The following EPAS1 variants were observed in gnomAD, a reference collection of about 807,000 sequenced individuals.
EPAS1 encodes endothelial PAS domain-containing protein 1.
A neutral mutation model predicts 87.9 loss-of-function variants in EPAS1; 23 were observed. That is an observed-to-expected ratio of 0.26 (90% confidence interval 0.19 to 0.37). The LOEUF (loss-of-function observed/expected upper bound fraction) is 0.37, where lower values mean the gene tolerates loss of function less well. EPAS1 is among the 10% of genes least tolerant of loss of function. EPAS1 has a pLI of 1.00. For missense variants in EPAS1, 1,138 were observed against 1,120.7 expected (o/e 1.02, Z -0.22); for synonymous variants, 508 against 444.3 (o/e 1.14, Z -1.80).
intron 2 of EPAS1, among the ~76,000 whole-genome samples, chr2:46,350,565 G>C (rs1684127423): frequency 6.6e-6 from 1 of 152,160 alleles, no homozygotes; most frequent in South Asian, 2.1e-4. Flanking sequence ...GCTGGGCTGA[G>C]GACAGAACAC....
chr2:46,377,745 C>G, intron 9 of EPAS1, 149 bp from the exon 10 acceptor site: 1 of 1,296,012 alleles, frequency 7.7e-7, no homozygotes, highest in South Asian at 1.3e-5. Flanking sequence ...CCATGTGTTC[C>G]AGCTGAGCCC....
intron 1 of EPAS1, among the ~76,000 whole-genome samples, chr2:46,335,407 G>A (rs997712521): frequency 1.0e-4 from 9 of 89,948 alleles, no homozygotes; most frequent in South Asian, 3.4e-4. Context: ...CCCCCCACCC[G>A]CCTTTTTCCA....
chr2:46,346,913 G>T lies in EPAS1; in HGVS notation c.67G>T (p.Ala23Ser), dbSNP rs768863978. 1 of 1,614,240 alleles carries T rather than the reference G, an allele frequency of 6.2e-7. No individual in the cohort carries two copies. The highest frequency in any genetic ancestry group is 8.5e-7 in the Non-Finnish European group (1 of 1,180,040). The part of the protein sequence containing the change: ...ERRKEKSRDA[A>S]RCRRSKETEV... ...GAGGAAGGAGAAGTCCCGGGATGCT[G>T]CGCGGTGCCGGCGGAGCAAGGAGAC... The change falls in exon 2 of 16, where the codon GCG (alanine) becomes TCG (serine). Residue 23 changes from alanine to serine, a missense_variant. By Grantham distance (99) the Ala-to-Ser change is moderately conservative (BLOSUM62 1). This residue lies in a region of EPAS1 where 351 missense variants were observed against 417.1 expected (regional missense o/e 0.84). Coordinates refer to ENST00000263734, the MANE Select transcript of EPAS1 (RefSeq NM_001430.5). This position sits in a 1 kb window ranked among gnomAD's most constrained non-coding sequence, Gnocchi z 4.0.
rs1198802972 is a variant in EPAS1 at position 46,375,187 on chromosome 2, A to AC, written c.887-503_887-502insC. On this transcript the variant is annotated intron_variant, in intron 7 of 15. Coordinates refer to ENST00000263734, the MANE Select transcript of EPAS1 (RefSeq NM_001430.5). This position sits in a 1 kb window ranked among gnomAD's most constrained non-coding sequence, Gnocchi z 4.1. ...TGGTGGTGGGTCTGCTGAAAAAAAA[A>AC]AACAAAAAAAAACAAAAAAAACTGC... 2.2e-5 allele frequency among the ~76,000 whole-genome samples: 3 copies of AC among 139,106 alleles called. No homozygotes were observed. Among genetic ancestry groups the AC allele is most frequent in the Non-Finnish European group, 3.2e-5 (2 of 62,442 alleles). The allele number at this position is 139,106 out of a possible 152,430, so 91.3% of individuals were successfully genotyped here.
At chr2:46,314,350 G>A (rs1301325306) in intron 1 of EPAS1, among the ~76,000 whole-genome samples, 1 of 152,204 alleles carries the variant, frequency 6.6e-6, no homozygotes. Flanking sequence ...TACATGGCTG[G>A]CTCTGCGTGT....
chr2:46,356,631 C>T, intron 3 of EPAS1, 93 bp from the exon 4 acceptor site: 2 of 1,011,094 alleles, frequency 2.0e-6, no homozygotes, highest in South Asian at 2.6e-5. Context: ...AGTCTCCTCC[C>T]TGCCTCCAAA....
At chr2:46,325,610 T>G (rs548664861) in intron 1 of EPAS1, among the ~76,000 whole-genome samples, 1 of 152,304 alleles carries the variant, frequency 6.6e-6, no homozygotes, top group South Asian at 2.1e-4. Context: ...GCCGGAGAAT[T>G]CTGGCTTTTG....
At chr2:46,321,832 G>T (rs1171122581) in intron 1 of EPAS1, among the ~76,000 whole-genome samples, 1 of 152,018 alleles carries the variant, frequency 6.6e-6, no homozygotes, top group Non-Finnish European at 1.5e-5. Flanking sequence ...GCACCATAAG[G>T]TTATTATATA....
At chr2:46,312,837 C>G (rs1412435007) in intron 1 of EPAS1, among the ~76,000 whole-genome samples, 1 of 152,194 alleles carries the variant, frequency 6.6e-6, no homozygotes, top group Non-Finnish European at 1.5e-5. Flanking sequence ...AGTTATGCTC[C>G]TTTCTACATC....
Position 46,381,687 on chromosome 2 carries a change from G to C in EPAS1, c.2137G>C (p.Glu713Gln), listed in dbSNP as rs1289443695. The C allele has an allele frequency of 6.2e-7, 1 of 1,614,016 alleles. No individual in the cohort carries two copies. Residue 713 changes from glutamate (E) to glutamine (Q), a missense_variant, in exon 13 of 16, where the codon GAG becomes CAG. By Grantham distance (29) the Glu-to-Gln change is conservative (BLOSUM62 2). Transcript: ENST00000263734. ...CAAGCTGAAGCTGAAGCGACAGCTG[G>C]AGTATGAAGAGCAAGCCTTCCAGGA... Reference protein sequence around the residue: ...SNKLKLKRQLEYEEQAFQDLS... With the variant: ...SNKLKLKRQLQYEEQAFQDLS...
Position 46,297,656 on chromosome 2 carries a change from A to G in EPAS1, c.-256A>G, listed in dbSNP as rs1682906801. 1 of 526,772 alleles carries G rather than the reference A, an allele frequency of 1.9e-6. No homozygotes were observed. The highest frequency in any genetic ancestry group is 2.1e-5 in the African/African-American group (1 of 48,634). The allele number at this position is 526,772 out of a possible 1,614,324, so 32.6% of individuals were successfully genotyped here. On this transcript the variant is annotated 5_prime_UTR_variant, in exon 1 of 16. Coordinates refer to ENST00000263734, the MANE Select transcript of EPAS1 (RefSeq NM_001430.5). ...TCTCCGTCCTCTTTTCGGGTCTGACAGCCTCCACCCACTCCTTCCCCGGAC... is the reference window on the plus strand; with the variant it reads ...TCTCCGTCCTCTTTTCGGGTCTGACGGCCTCCACCCACTCCTTCCCCGGAC...
At position 46,360,786 on chromosome 2, in the gene EPAS1, C is replaced by T; in HGVS notation, c.573+30C>T. The T allele has an allele frequency of 1.2e-6, 2 of 1,613,038 alleles. No individual in the cohort carries two copies. The highest frequency in any genetic ancestry group is 1.7e-6 in the Non-Finnish European group (2 of 1,179,064). ...GGCAACATCAGGCCTGGGTTGGAGTCCCAGGTGTAGGGTAACGGCGGTGCA... is the reference window on the plus strand; with the variant it reads ...GGCAACATCAGGCCTGGGTTGGAGTTCCAGGTGTAGGGTAACGGCGGTGCA... On this transcript the variant is annotated intron_variant, in intron 5 of 15. Transcript: ENST00000263734. The surrounding 1 kb of genome is among the most constrained non-coding windows in gnomAD (Gnocchi z 4.5).
At chr2:46,331,828 T>C (rs1002334329) in intron 1 of EPAS1, among the ~76,000 whole-genome samples, 1 of 152,180 alleles carries the variant, frequency 6.6e-6, no homozygotes, top group Admixed American at 6.5e-5. Flanking sequence ...CACTCTAATC[T>C]TCTAAATCGT....
Position 46,297,733 on chromosome 2 carries a change from C to T in EPAS1, c.-179C>T. On this transcript the variant is annotated 5_prime_UTR_variant, in exon 1 of 16. Transcript: ENST00000263734. ...AGTCACCTTTCTCCACCCCCGCCCC[C>T]GCACCTAGCCCGCCGCGCGCCACCT... The T allele has an allele frequency of 4.2e-6, 3 of 715,902 alleles. No homozygotes were observed. The highest frequency in any genetic ancestry group is 3.9e-4 in the Middle Eastern group (1 of 2,542). The allele number at this position is 715,902 out of a possible 1,614,324, so 44.3% of individuals were successfully genotyped here. A position where few individuals can be genotyped will look rare whatever the true frequency, so the allele number is the denominator to read the frequency against.
At chr2:46,350,544 T>C (rs1020063984) in intron 2 of EPAS1, among the ~76,000 whole-genome samples, 1 of 152,166 alleles carries the variant, frequency 6.6e-6, no homozygotes, top group Non-Finnish European at 1.5e-5. Flanking sequence ...CTTTATGATA[T>C]TAGCTGCCAC....
chr2:46,317,350 T>G (rs1029209752), intron 1 of EPAS1, among the ~76,000 whole-genome samples: 4 of 152,226 alleles, frequency 2.6e-5, no homozygotes, highest in African/African-American at 9.6e-5. Flanking sequence ...GAATAAGACT[T>G]GGAAGTCAGA....
intron 1 of EPAS1, among the ~76,000 whole-genome samples, chr2:46,345,124 G>A (rs1488216447): frequency 6.6e-5 from 10 of 152,152 alleles, no homozygotes; most frequent in South Asian, 2.1e-4. Flanking sequence ...TATGAACTTC[G>A]CTGGATGCTT....
chr2:46,376,307 A>C (rs1298452989), intron 8 of EPAS1, among the ~76,000 whole-genome samples: 1 of 152,216 alleles, frequency 6.6e-6, no homozygotes, highest in Non-Finnish European at 1.5e-5. Flanking sequence ...CAAGTGCAAT[A>C]ATATTTAATA....
chr2:46,345,226 C>T (rs1684000101), intron 1 of EPAS1, among the ~76,000 whole-genome samples: 1 of 152,174 alleles, frequency 6.6e-6, no homozygotes, highest in African/African-American at 2.4e-5. Context: ...GTGATTCTCC[C>T]ATCTGGGACT....
Sources: gnomAD v4.1 joint callset for allele counts (sites outside exome capture counted in the v4.1 genomes callset) on GRCh38, gnomAD v4.1.1 for gene constraint, gnomAD v4.1.1 regional missense constraint, Gnocchi (gnomAD v3.1) non-coding constraint, MANE v1.5 for transcripts, NCBI Gene and HGNC (gene_info 2026-07-23, HGNC 2026-07-21) for gene names.